ARHGEF10: variants seen among roughly 807,000 people sequenced by gnomAD.
The protein encoded by ARHGEF10 is Rho guanine nucleotide exchange factor 10.
In ARHGEF10, 140 loss-of-function variants were observed where a neutral mutation model predicts 147.4. The observed-to-expected ratio is 0.95, with a 90% CI of 0.83 to 1.09. The LOEUF (loss-of-function observed/expected upper bound fraction) is 1.09, where lower values mean the gene tolerates loss of function less well. Ranked by LOEUF, ARHGEF10 falls within the 50% of genes least tolerant of loss-of-function variation. ARHGEF10 has a pLI of 0.00. For missense variants in ARHGEF10, 2,222 were observed against 1,752.7 expected (o/e 1.27, Z -4.78); for synonymous variants, 902 against 695.8 (o/e 1.30, Z -4.67).
At chr8:1,873,300 C>T (rs935385323) in intron 7 of ARHGEF10, among the ~76,000 whole-genome samples, 2 of 152,230 alleles carry the variant, frequency 1.3e-5, no homozygotes, top group Non-Finnish European at 2.9e-5. Context: ...AGTAAACCAC[C>T]CACAGCACGG....
intron 2 of ARHGEF10, among the ~76,000 whole-genome samples, chr8:1,847,184 G>A (rs983290997): frequency 2.0e-5 from 3 of 152,244 alleles, no homozygotes; most frequent in Non-Finnish European, 4.4e-5. Context: ...CTGCCCAGCT[G>A]CTGGGGTTCA....
chr8:1,895,565 A>G (rs1311417713), intron 13 of ARHGEF10, among the ~76,000 whole-genome samples: 8 of 151,796 alleles, frequency 5.3e-5, no homozygotes, highest in Non-Finnish European at 7.4e-5. Flanking sequence ...TTGTTATTGG[A>G]TTTTTTTTCT....
intron 11 of ARHGEF10, among the ~76,000 whole-genome samples, chr8:1,890,104 G>A (rs890476626): frequency 9.1e-5 from 13 of 142,400 alleles, no homozygotes; most frequent in African/African-American, 2.9e-4. Flanking sequence ...AGGAGTCACC[G>A]AGTGCCGTGT....
chr8:1,876,692 T>G lies in ARHGEF10; in HGVS notation c.801T>G (p.Asn267Lys). The stretch of plus-strand genomic sequence containing the variant: ...AGCAGAGTGACTCGGAGTGCAAGAA[T>G]GGGATTCCCAGGTCCTTCCTGCGCA... ...YEEQSDSECK[N>K]GIPRSFLRSN... The change falls in exon 8 of 29, where the codon AAT becomes AAG. Residue 267 changes from asparagine (N) to lysine (K), a missense_variant. Transcript: ENST00000349830. 6.2e-7 allele frequency: 1 copy of G among 1,614,186 alleles called. No individual in the cohort carries two copies. The highest frequency in any genetic ancestry group is 8.5e-7 in the Non-Finnish European group (1 of 1,180,044).
chr8:1,918,244 C>T (rs990307571), intron 18 of ARHGEF10, among the ~76,000 whole-genome samples: 4 of 152,124 alleles, frequency 2.6e-5, no homozygotes, highest in Non-Finnish European at 5.9e-5. Context: ...CGCACATTGT[C>T]CCCATTCATG....
chr8:1,865,279 GCCATCA>G (rs1265799481), intron 5 of ARHGEF10, among the ~76,000 whole-genome samples: 1 of 152,112 alleles, frequency 6.6e-6, no homozygotes, highest in African/African-American at 2.4e-5. Flanking sequence ...CACCCATGAG[GCCATCA>G]CCAGGACATG....
chr8:1,875,664 G>A (rs796306215), intron 7 of ARHGEF10, among the ~76,000 whole-genome samples: 38 of 152,374 alleles, frequency 2.5e-4, no homozygotes, highest in African/African-American at 7.7e-4. Flanking sequence ...GACCTGTTTT[G>A]TAGTCAGTGG....
chr8:1,855,358 CT>C (rs1563182070), intron 2 of ARHGEF10, among the ~76,000 whole-genome samples: 1 of 151,914 alleles, frequency 6.6e-6, no homozygotes. Flanking sequence ...CTGGCAGTGA[CT>C]TTTTTTGGGG....
At chr8:1,945,001 C>G (rs1230762626) in intron 26 of ARHGEF10, among the ~76,000 whole-genome samples, 1 of 152,230 alleles carries the variant, frequency 6.6e-6, no homozygotes, top group African/African-American at 2.4e-5. Flanking sequence ...TCCAGAAGGA[C>G]CAAGTTGCTT....
At chr8:1,939,567 C>G (rs1813910858) in intron 26 of ARHGEF10, among the ~76,000 whole-genome samples, 1 of 152,250 alleles carries the variant, frequency 6.6e-6, no homozygotes, top group Non-Finnish European at 1.5e-5. Flanking sequence ...AAGCGTCAAG[C>G]CAAGCATGCG....
chr8:1,948,872 C>T lies in ARHGEF10; in HGVS notation c.3397+3217C>T, dbSNP rs1041199726. Among the ~76,000 whole-genome samples, 2 of 152,288 alleles carry T rather than the reference C, an allele frequency of 1.3e-5. No individual in the cohort carries two copies. The highest frequency in any genetic ancestry group is 6.5e-5 in the Admixed American group (1 of 15,276). Reference sequence around the variant, plus strand: ...TGAAGTGCGCGGATGCTGAGGTCGCCGGGCCGTCACTGCTCCTGGGTTCTT... The same window carrying T: ...TGAAGTGCGCGGATGCTGAGGTCGCTGGGCCGTCACTGCTCCTGGGTTCTT... On this transcript the variant is annotated intron_variant, in intron 27 of 28. Coordinates refer to ENST00000349830, the MANE Select transcript of ARHGEF10 (RefSeq NM_014629.4). The surrounding 1 kb of genome is among the most constrained non-coding windows in gnomAD (Gnocchi z 4.9).
chr8:1,860,244 C>A, intron 4 of ARHGEF10, 60 bp downstream of exon 4: 2 of 1,522,054 alleles, frequency 1.3e-6, no homozygotes, highest in South Asian at 1.1e-5. Flanking sequence ...CTCTCCACGC[C>A]CCCGAAGTGG....
intron 25 of ARHGEF10, among the ~76,000 whole-genome samples, chr8:1,930,120 C>G (rs997240120): frequency 2.0e-5 from 3 of 152,044 alleles, no homozygotes; most frequent in Non-Finnish European, 2.9e-5. Flanking sequence ...TGAGGCTGCT[C>G]TCCTGGCCCC....
chr8:1,888,234 G>GGGGCGAGGGTTTGCGAGGAGACACTT (rs1808936555), intron 11 of ARHGEF10, among the ~76,000 whole-genome samples: 2 of 64,520 alleles, frequency 3.1e-5, no homozygotes, highest in East Asian at 2.1e-3. Flanking sequence ...AGGAGACAGT[G>GGGGCGAGGGTTTGCGAGGAGACACTT]AGTGTGGTGA....
At chr8:1,874,768 A>T (rs1807516804) in intron 7 of ARHGEF10, among the ~76,000 whole-genome samples, 1 of 149,892 alleles carries the variant, frequency 6.7e-6, no homozygotes, top group Non-Finnish European at 1.5e-5. Flanking sequence ...AACAGTGGAG[A>T]CACACACCAG....
rs369099634 is a variant in ARHGEF10, at chr8:1,909,306, A to G, written c.1979A>G (p.Asp660Gly). ...CATVSSRPSH[D>G]SRVMSSQRYL... ...TTTGGTCGTTTCAGCCCCTCTCATG[A>G]CAGCCGTGTGATGAGCAGCCAGAGG... The change falls in exon 18 of 29, where the codon GAC (aspartate) becomes GGC (glycine). Residue 660 changes from aspartate to glycine, a missense_variant. Coordinates refer to ENST00000349830, the MANE Select transcript of ARHGEF10 (RefSeq NM_014629.4). The G allele has an allele frequency of 6.8e-6, 11 of 1,614,206 alleles. No homozygotes were observed. The highest frequency in any genetic ancestry group is 1.1e-5 in the South Asian group (1 of 91,078).
At chr8:1,883,301 C>T (rs948999228) in intron 10 of ARHGEF10, among the ~76,000 whole-genome samples, 10 of 152,014 alleles carry the variant, frequency 6.6e-5, no homozygotes, top group African/African-American at 1.7e-4. Flanking sequence ...GGTCATTTAC[C>T]GTCCGAGGAG....
intron 26 of ARHGEF10, among the ~76,000 whole-genome samples, chr8:1,938,997 C>T (rs1813856160): frequency 6.7e-6 from 1 of 150,072 alleles, no homozygotes. Flanking sequence ...CCCCCGAACA[C>T]TGTTGAATAC....
intron 26 of ARHGEF10, among the ~76,000 whole-genome samples, chr8:1,935,417 G>A (rs1208469426): frequency 1.3e-5 from 2 of 152,174 alleles, no homozygotes; most frequent in Non-Finnish European, 2.9e-5. Context: ...CGCAGAGTGG[G>A]TTCACTGCCC....
Sources: gnomAD v4.1 joint callset for allele counts (sites outside exome capture counted in the v4.1 genomes callset) on GRCh38, gnomAD v4.1.1 for gene constraint, Gnocchi (gnomAD v3.1) non-coding constraint, MANE v1.5 for transcripts, NCBI Gene and HGNC (gene_info 2026-07-23, HGNC 2026-07-21) for gene names.